The following PRKG1 variants were observed in gnomAD, a reference collection of about 807,000 sequenced individuals.
PRKG1 encodes cGMP-dependent protein kinase 1.
Under a neutral mutation model 88.1 loss-of-function variants are expected in PRKG1, and 35 were observed. The observed-to-expected ratio is 0.40, with a 90% CI of 0.30 to 0.53. PRKG1 has a LOEUF of 0.53. Ranked by LOEUF, PRKG1 falls within the 20% of genes least tolerant of loss-of-function variation. The pLI, the probability that PRKG1 is intolerant of heterozygous loss-of-function variation, is 0.59. For synonymous variants in PRKG1, 303 were observed against 292.5 expected (o/e 1.04, Z -0.37); for missense variants, 540 against 839.8 (o/e 0.64, Z 4.41).
At chr10:51,280,335 A>G (rs1840257839) in intron 2 of PRKG1, among the ~76,000 whole-genome samples, 1 of 151,984 alleles carries the variant, frequency 6.6e-6, no homozygotes, top group South Asian at 2.1e-4. Context: ...GGTGAATCTG[A>G]CAATTATGTG....
At chr10:52,084,753 A>G (rs1226533475) in intron 7 of PRKG1, among the ~76,000 whole-genome samples, 1 of 152,060 alleles carries the variant, frequency 6.6e-6, no homozygotes, top group Non-Finnish European at 1.5e-5. Flanking sequence ...TAGTTTATCT[A>G]GTTAACAGCC....
intron 3 of PRKG1, among the ~76,000 whole-genome samples, chr10:51,487,996 C>G (rs766013860): frequency 2.0e-5 from 3 of 152,060 alleles, no homozygotes; most frequent in Non-Finnish European, 2.9e-5. Context: ...TTATTGAGTG[C>G]CTGTTTTCTA....
At chr10:51,307,101 C>T (rs1013234947) in intron 2 of PRKG1, among the ~76,000 whole-genome samples, 2 of 151,696 alleles carry the variant, frequency 1.3e-5, no homozygotes, top group East Asian at 1.9e-4. Context: ...TATAAGAATT[C>T]GATACTTAAT....
At chr10:51,310,735 C>G (rs1440261874) in intron 2 of PRKG1, among the ~76,000 whole-genome samples, 1 of 152,092 alleles carries the variant, frequency 6.6e-6, no homozygotes, top group African/African-American at 2.4e-5. Context: ...TCTATGGGTG[C>G]TTTCAGCTAG....
chr10:51,422,958 TAG>T (rs775995196), intron 2 of PRKG1, among the ~76,000 whole-genome samples: 4 of 140,460 alleles, frequency 2.8e-5, no homozygotes, highest in Non-Finnish European at 4.7e-5. Flanking sequence ...TCCATTGAAA[TAG>T]GTTTTTTTTT....
chr10:51,944,542 A>G (rs1263100706), intron 5 of PRKG1, among the ~76,000 whole-genome samples: 2 of 151,834 alleles, frequency 1.3e-5, no homozygotes, highest in South Asian at 2.1e-4. Flanking sequence ...TTTAATTATA[A>G]TGTTAGGGTG....
intron 1 of PRKG1, among the ~76,000 whole-genome samples, chr10:51,016,749 A>G (rs1479861034): frequency 1.5e-5 from 2 of 130,184 alleles, no homozygotes; most frequent in Non-Finnish European, 3.1e-5. Context: ...GCTCACTGGA[A>G]ACTCCACCTC....
intron 1 of PRKG1, among the ~76,000 whole-genome samples, chr10:51,068,101 G>C (rs530751276): frequency 6.6e-6 from 1 of 152,118 alleles, no homozygotes; most frequent in Non-Finnish European, 1.5e-5. Context: ...AGAATAATAC[G>C]TGGCAATATC....
intron 2 of PRKG1, among the ~76,000 whole-genome samples, chr10:51,351,650 T>A (rs192235235): frequency 6.6e-6 from 1 of 151,356 alleles, no homozygotes; most frequent in African/African-American, 2.4e-5. Flanking sequence ...GATTCCCTTT[T>A]TCAGATGGAT....
intron 3 of PRKG1, among the ~76,000 whole-genome samples, chr10:51,650,234 T>C (rs955708191): frequency 1.3e-5 from 2 of 152,180 alleles, no homozygotes; most frequent in African/African-American, 4.8e-5. Context: ...TTGTTTTCTC[T>C]TCAGTCCATT....
chr10:52,151,247 C>T (rs1339206437), intron 8 of PRKG1, among the ~76,000 whole-genome samples: 2 of 152,174 alleles, frequency 1.3e-5, no homozygotes, highest in East Asian at 3.9e-4. Context: ...ACCTTTCACC[C>T]TCGGGTGGGC....
intron 3 of PRKG1, among the ~76,000 whole-genome samples, chr10:51,601,996 A>G (rs1838618891): frequency 6.6e-6 from 1 of 151,956 alleles, no homozygotes; most frequent in South Asian, 2.1e-4. Flanking sequence ...ACCTCTCTTC[A>G]GTAATGCAAC....
At chr10:51,814,445 T>G (rs1044097385) in intron 4 of PRKG1, among the ~76,000 whole-genome samples, 1 of 152,166 alleles carries the variant, frequency 6.6e-6, no homozygotes, top group Non-Finnish European at 1.5e-5. Context: ...TAATTTTTTT[T>G]TGTTTGTTTC....
At chr10:51,212,400 G>A (rs1301388562) in intron 2 of PRKG1, among the ~76,000 whole-genome samples, 4 of 152,316 alleles carry the variant, frequency 2.6e-5, no homozygotes, top group East Asian at 1.9e-4. Flanking sequence ...CAGGACATAA[G>A]CATGGGCAAG....
chr10:52,155,180 TC>T (rs869293000), intron 8 of PRKG1, among the ~76,000 whole-genome samples: 1 of 78,864 alleles, frequency 1.3e-5, no homozygotes, highest in South Asian at 7.1e-4. Context: ...TGCACTGAAA[TC>T]CCAGTACTAC....
rs116091851 is a variant in PRKG1, at chr10:52,085,187, A to T, written c.935+22556A>T. Among the ~76,000 whole-genome samples the T allele has an allele frequency of 2.8e-3, 426 of 152,136 alleles. 3 individuals are homozygous for T. The highest frequency in any genetic ancestry group is 9.7e-3 in the African/African-American group (401 of 41,548). The stretch of plus-strand genomic sequence containing the variant: ...GAGAATAACCTTTTCCCTTGCAACT[A>T]ATAAACAACCTGTAAGGAAACTCTT... On this transcript the variant is annotated intron_variant, in intron 7 of 17. Coordinates refer to ENST00000373980, the MANE Select transcript of PRKG1 (RefSeq NM_006258.4).
At chr10:51,920,779 C>T (rs77160383) in intron 5 of PRKG1, among the ~76,000 whole-genome samples, 4,664 of 152,022 alleles carry the variant, frequency 0.031, 248 homozygotes, top group African/African-American at 0.11. Context: ...TCTAATTTTA[C>T]TTTTAAACAT....
chr10:52,062,218 C>T (rs1360290193), intron 6 of PRKG1, among the ~76,000 whole-genome samples: 2 of 151,976 alleles, frequency 1.3e-5, no homozygotes, highest in Non-Finnish European at 2.9e-5. Context: ...GACAGAAATG[C>T]TCACCAAGTT....
chr10:51,858,056 A>G lies in PRKG1; in HGVS notation c.699-49451A>G, dbSNP rs1367078264. Among the ~76,000 whole-genome samples the G allele has an allele frequency of 3.2e-5, 3 of 93,908 alleles. 1 individual carries two copies. The highest frequency in any genetic ancestry group is 6.7e-5 in the Non-Finnish European group (3 of 44,876). The allele number at this position is 93,908 out of a possible 152,430, so 61.6% of individuals were successfully genotyped here. A position where few individuals can be genotyped will look rare whatever the true frequency, so the allele number is the denominator to read the frequency against. ...CAGATTTAATGGCATAAAAGGAAAT[A>G]TATATGCATATTATACATATATATA... On this transcript the variant is annotated intron_variant, in intron 4 of 17. Coordinates refer to ENST00000373980, the MANE Select transcript of PRKG1 (RefSeq NM_006258.4).
Sources: allele counts gnomAD v4.1 joint callset (sites outside exome capture counted in the v4.1 genomes callset), GRCh38; gene constraint gnomAD v4.1.1; transcripts MANE v1.5; gene names NCBI Gene and HGNC (gene_info 2026-07-23, HGNC 2026-07-21).